The following AK5 variants were observed in gnomAD, a reference collection of about 807,000 sequenced individuals.
AK5 encodes the protein adenylate kinase 5.
In AK5, 27 loss-of-function variants were observed where a neutral mutation model predicts 69.5. The ratio of observed to expected loss-of-function variants is 0.39; its 90% CI spans 0.29 to 0.54. The LOEUF (loss-of-function observed/expected upper bound fraction) is 0.54, where lower values mean the gene tolerates loss of function less well. Ranked by LOEUF, AK5 falls within the 20% of genes least tolerant of loss-of-function variation. AK5 has a pLI of 0.71. For missense variants in AK5, 531 were observed against 700.4 expected, an observed-to-expected ratio of 0.76 and a Z score of 2.73; for synonymous variants, 260 against 244.4, an observed-to-expected ratio of 1.06 and a Z score of -0.60.
intron 6 of AK5, among the ~76,000 whole-genome samples, chr1:77,382,714 A>C (rs1280485348): frequency 6.6e-6 from 1 of 152,208 alleles, no homozygotes; most frequent in Non-Finnish European, 1.5e-5. Flanking sequence ...ATTCTTGGGC[A>C]AGTCATTAAC....
At chr1:77,392,780 A>T (rs1377278969) in intron 6 of AK5, among the ~76,000 whole-genome samples, 2 of 150,622 alleles carry the variant, frequency 1.3e-5, no homozygotes, top group African/African-American at 4.9e-5. Flanking sequence ...TTTTTTTTTT[A>T]ATATAATTCA....
chr1:77,456,235 G>A (rs993704240), intron 8 of AK5, among the ~76,000 whole-genome samples: 14 of 152,196 alleles, frequency 9.2e-5, no homozygotes, highest in Non-Finnish European at 1.5e-4. Context: ...TACTACCGCA[G>A]TTGTTTCCTC....
chr1:77,284,885 G>A (rs572431415), intron 1 of AK5, among the ~76,000 whole-genome samples: 18 of 152,176 alleles, frequency 1.2e-4, no homozygotes, highest in Non-Finnish European at 2.1e-4. Context: ...GTTTAAGGAC[G>A]CTGGAAATGT....
At chr1:77,347,551 T>C (rs1330346395) in intron 6 of AK5, among the ~76,000 whole-genome samples, 1 of 152,164 alleles carries the variant, frequency 6.6e-6, no homozygotes, top group Non-Finnish European at 1.5e-5. Context: ...CAGAACTAAA[T>C]TGAAAAGTGA....
At chr1:77,404,044 T>G (rs910878301) in intron 6 of AK5, among the ~76,000 whole-genome samples, 1 of 152,212 alleles carries the variant, frequency 6.6e-6, no homozygotes, top group Non-Finnish European at 1.5e-5. Context: ...CTAGGTATTT[T>G]ATTCTCTTTG....
chr1:77,556,889 C>T (rs1258990468), intron 13 of AK5, among the ~76,000 whole-genome samples: 3 of 152,140 alleles, frequency 2.0e-5, no homozygotes, highest in Non-Finnish European at 4.4e-5. Flanking sequence ...AACCAAGACC[C>T]TCTGCAGTTA....
chr1:77,497,049 T>C (rs1296463492), intron 10 of AK5, among the ~76,000 whole-genome samples: 1 of 152,226 alleles, frequency 6.6e-6, no homozygotes, highest in Non-Finnish European at 1.5e-5. Context: ...GTTCTTTCGC[T>C]TTTCACAATA....
intron 5 of AK5, among the ~76,000 whole-genome samples, chr1:77,339,447 A>T (rs1661533606): frequency 6.6e-6 from 1 of 152,136 alleles, no homozygotes; most frequent in Non-Finnish European, 1.5e-5. Context: ...AAATTTATGA[A>T]GACCTTTGGG....
At chr1:77,409,872 G>T (rs1298343189) in intron 6 of AK5, among the ~76,000 whole-genome samples, 2 of 151,956 alleles carry the variant, frequency 1.3e-5, no homozygotes, top group Non-Finnish European at 2.9e-5. Context: ...TTATAGTTTT[G>T]GGTTTTACAT....
At chr1:77,401,528 G>GA (rs141488317) in intron 6 of AK5, among the ~76,000 whole-genome samples, 12,822 of 151,970 alleles carry the variant, frequency 0.084, 719 homozygotes, top group South Asian at 0.17. Context: ...AGAAGGAGAG[G>GA]AAAAAAATGG....
At chr1:77,510,510 G>A (rs148669436) in intron 10 of AK5, among the ~76,000 whole-genome samples, 10 of 151,508 alleles carry the variant, frequency 6.6e-5, no homozygotes, top group South Asian at 4.2e-4. Context: ...GCAGTTTTCC[G>A]CTGCTAAAAA....
intron 6 of AK5, among the ~76,000 whole-genome samples, chr1:77,395,712 A>G (rs886875797): frequency 6.6e-6 from 1 of 152,242 alleles, no homozygotes; most frequent in African/African-American, 2.4e-5. Flanking sequence ...ATAACTAAAC[A>G]AAACATAACC....
At chr1:77,382,235 T>C (rs1002864375) in intron 6 of AK5, among the ~76,000 whole-genome samples, 1 of 151,712 alleles carries the variant, frequency 6.6e-6, no homozygotes, top group African/African-American at 2.4e-5. Context: ...TAATTTTTTT[T>C]TTTTTTTTTT....
At chr1:77,404,811 AG>A (rs1649509045) in intron 6 of AK5, among the ~76,000 whole-genome samples, 1 of 152,238 alleles carries the variant, frequency 6.6e-6, no homozygotes, top group Non-Finnish European at 1.5e-5. Context: ...TTAAGTGGTC[AG>A]TTGAAGAATC....
At chr1:77,303,628 A>C (rs1385445271) in intron 5 of AK5, among the ~76,000 whole-genome samples, 1 of 152,242 alleles carries the variant, frequency 6.6e-6, no homozygotes, top group Non-Finnish European at 1.5e-5. Flanking sequence ...GTGAGAGTAA[A>C]AAAGGCACAT....
chr1:77,405,636 C>G (rs1290613357), intron 6 of AK5, among the ~76,000 whole-genome samples: 3 of 152,168 alleles, frequency 2.0e-5, no homozygotes, highest in Non-Finnish European at 2.9e-5. Flanking sequence ...CTCCCTGAGC[C>G]CTGGCTTCCC....
intron 8 of AK5, among the ~76,000 whole-genome samples, chr1:77,454,102 G>C (rs1478090004): frequency 1.3e-5 from 2 of 152,112 alleles, no homozygotes; most frequent in Non-Finnish European, 2.9e-5. Context: ...CCAAAAGTAG[G>C]CTGCTCTACT....
intron 9 of AK5, among the ~76,000 whole-genome samples, chr1:77,483,785 T>C (rs1037177760): frequency 4.6e-5 from 7 of 152,242 alleles, no homozygotes; most frequent in African/African-American, 1.7e-4. Context: ...TTTTCCTGCC[T>C]GGTAGTTACT....
chr1:77,482,991 TTAAAAAAAAAAAAAAAAAAAAAAAAAA>T, intron 8 of AK5, among the ~76,000 whole-genome samples: 1 of 90,020 alleles, frequency 1.1e-5, no homozygotes, highest in African/African-American at 4.7e-5. Context: ...TTTTTGCACT[TTAAAAAAAAAAAAAAAAAAAAAAAAAA>T]AAAAAAAAAA....
Sources: gnomAD v4.1 joint callset for allele counts (sites outside exome capture counted in the v4.1 genomes callset) on GRCh38, gnomAD v4.1.1 for gene constraint, MANE v1.5 for transcripts, NCBI Gene and HGNC (gene_info 2026-07-23, HGNC 2026-07-21) for gene names.